The following MAP3K13 variants were observed in gnomAD, a reference collection of about 807,000 sequenced individuals.
The protein encoded by MAP3K13 is leucine zipper-bearing kinase.
Under a neutral mutation model 104.0 loss-of-function variants are expected in MAP3K13, and 52 were observed. The observed-to-expected ratio is 0.50, with a 90% CI of 0.40 to 0.63. MAP3K13 has a LOEUF of 0.63. Ranked by LOEUF, MAP3K13 falls within the 20% of genes least tolerant of loss-of-function variation. The pLI is 0.00. For missense variants in MAP3K13, 914 were observed against 1,218.5 expected, an observed-to-expected ratio of 0.75 and a Z score of 3.72; for synonymous variants, 394 against 442.2, an observed-to-expected ratio of 0.89 and a Z score of 1.37.
intron 1 of MAP3K13, among the ~76,000 whole-genome samples, chr3:185,374,020 G>A (rs1331930564): frequency 7.1e-6 from 1 of 141,560 alleles, no homozygotes; most frequent in Admixed American, 7.4e-5. Context: ...CATTCTCAAA[G>A]GTGGGGAGAT....
At chr3:185,414,907 C>G (rs1713659187) in intron 1 of MAP3K13, among the ~76,000 whole-genome samples, 1 of 152,094 alleles carries the variant, frequency 6.6e-6, no homozygotes, top group Non-Finnish European at 1.5e-5. Context: ...CGTGGTGGCT[C>G]ATGCCTGTAA....
chr3:185,444,665 A>C (rs1294903831), intron 4 of MAP3K13, among the ~76,000 whole-genome samples: 1 of 152,226 alleles, frequency 6.6e-6, no homozygotes, highest in Admixed American at 6.5e-5. Flanking sequence ...TGAATGAAGA[A>C]AGAAATTGAT....
upstream of MAP3K13, among the ~76,000 whole-genome samples, chr3:185,362,404 GTGCCCTTTTGGAGC>G (rs1337246806): frequency 6.6e-6 from 1 of 152,070 alleles, no homozygotes; most frequent in Non-Finnish European, 1.5e-5. Context: ...GTTTCATTAA[GTGCCCTTTTGGAGC>G]TGTGTCTTAA....
At chr3:185,396,918 G>A (rs1712456798) in intron 1 of MAP3K13, among the ~76,000 whole-genome samples, 1 of 152,164 alleles carries the variant, frequency 6.6e-6, no homozygotes. Flanking sequence ...AAGGTGAACA[G>A]TCCCTATTAG....
chr3:185,297,211 G>C (rs954455300), intron 2 of MAP3K13, among the ~76,000 whole-genome samples: 1 of 152,128 alleles, frequency 6.6e-6, no homozygotes, highest in Non-Finnish European at 1.5e-5. Flanking sequence ...CCATTACAAA[G>C]GCTCTGCTAC....
intron 1 of MAP3K13, among the ~76,000 whole-genome samples, chr3:185,374,696 A>G (rs1225040270): frequency 6.6e-6 from 1 of 152,116 alleles, no homozygotes; most frequent in Non-Finnish European, 1.5e-5. Flanking sequence ...TAATGTCGTC[A>G]TATACCAGGC....
intron 2 of MAP3K13, among the ~76,000 whole-genome samples, chr3:185,287,905 C>T (rs750343683): frequency 3.9e-5 from 6 of 152,224 alleles, no homozygotes; most frequent in Non-Finnish European, 8.8e-5. Flanking sequence ...GGCATGGTGG[C>T]ACATGCCTGT....
intron 3 of MAP3K13, among the ~76,000 whole-genome samples, chr3:185,442,723 G>A (rs973199381): frequency 6.6e-5 from 10 of 151,752 alleles, no homozygotes; most frequent in South Asian, 4.2e-4. Flanking sequence ...TAGTAGAGAC[G>A]CGGTTTCACC....
intron 2 of MAP3K13, among the ~76,000 whole-genome samples, chr3:185,331,700 AT>A (rs1302547897): frequency 6.6e-6 from 1 of 152,174 alleles, no homozygotes; most frequent in Admixed American, 6.5e-5. Flanking sequence ...ATATATTCAC[AT>A]TTCCAAGACC....
chr3:185,405,039 C>T (rs1713034729), intron 1 of MAP3K13, among the ~76,000 whole-genome samples: 1 of 152,196 alleles, frequency 6.6e-6, no homozygotes, highest in Non-Finnish European at 1.5e-5. Context: ...GATGTTCTCA[C>T]TAGCAATGCA....
intron 1 of MAP3K13, among the ~76,000 whole-genome samples, chr3:185,387,666 T>C (rs1463255446): frequency 6.6e-6 from 1 of 152,140 alleles, no homozygotes; most frequent in African/African-American, 2.4e-5. Flanking sequence ...AGAAGGATCA[T>C]ACCTCAACAT....
At chr3:185,453,095 G>A (rs972522286) in intron 7 of MAP3K13, among the ~76,000 whole-genome samples, 38 of 152,156 alleles carry the variant, frequency 2.5e-4, no homozygotes, top group African/African-American at 8.9e-4. Flanking sequence ...GGATAAGGGG[G>A]TGGTGAGAGA....
chr3:185,298,161 C>T (rs1720984057), intron 2 of MAP3K13, among the ~76,000 whole-genome samples: 2 of 152,084 alleles, frequency 1.3e-5, no homozygotes, highest in African/African-American at 4.8e-5. Flanking sequence ...GCAAAATGTG[C>T]TAGTTCTTAT....
intron 1 of MAP3K13, among the ~76,000 whole-genome samples, chr3:185,397,039 G>T (rs201752918): frequency 1.7e-4 from 26 of 150,892 alleles, no homozygotes; most frequent in African/African-American, 4.9e-4. Context: ...ATTCTTGTTT[G>T]TTTTTTTTTC....
At position 185,305,432 on chromosome 3, in the gene MAP3K13, G is replaced by A. The variant is rs376316010; in HGVS notation, c.-86+19789G>A. On this transcript the variant is annotated intron_variant, in intron 2 of 14. Coordinates refer to the MAP3K13 transcript ENST00000424227. ...CTACTTTATCAATCTCACAAATTAT[G>A]TCTTTTATACTTTGTATCTAGTAAT... is the stretch of plus-strand genomic sequence containing the variant. Among the ~76,000 whole-genome samples, 86 of 148,886 alleles carry A rather than the reference G, an allele frequency of 5.8e-4. 1 individual carries two copies. Among genetic ancestry groups the A allele is most frequent in the South Asian group, 5.6e-3 (26 of 4,654 alleles).
chr3:185,284,219 A>G (rs1048004571), intron 1 of MAP3K13, among the ~76,000 whole-genome samples: 5 of 151,966 alleles, frequency 3.3e-5, no homozygotes, highest in African/African-American at 1.2e-4. Flanking sequence ...ATTTTAACTC[A>G]CTAAAAATAT....
At chr3:185,373,892 A>T (rs1258194797) in intron 1 of MAP3K13, among the ~76,000 whole-genome samples, 1 of 141,638 alleles carries the variant, frequency 7.1e-6, no homozygotes, top group South Asian at 2.2e-4. Flanking sequence ...AGGCGGGCTG[A>T]GTCCGCAAAA....
intron 2 of MAP3K13, among the ~76,000 whole-genome samples, chr3:185,317,766 G>A (rs1039258033): frequency 1.3e-5 from 2 of 152,098 alleles, no homozygotes; most frequent in Non-Finnish European, 2.9e-5. Context: ...AAGTGGGGAA[G>A]GGAAACCTTT....
chr3:185,300,232 C>G (rs1232391743), intron 2 of MAP3K13, among the ~76,000 whole-genome samples: 1 of 150,302 alleles, frequency 6.7e-6, no homozygotes, highest in African/African-American at 2.4e-5. Context: ...CTCTGTTGCC[C>G]AGGCTAGAGT....
Sources: allele counts gnomAD v4.1 joint callset (sites outside exome capture counted in the v4.1 genomes callset), GRCh38; gene constraint gnomAD v4.1.1; transcripts MANE v1.5; gene names NCBI Gene and HGNC (gene_info 2026-07-23, HGNC 2026-07-21).